Variants in FRY observed in about 807,000 individuals in gnomAD.
FRY encodes the protein protein furry homolog.
FRY carries 128 observed loss-of-function variants against 348.4 expected under a neutral mutation model. The ratio of observed to expected loss-of-function variants is 0.37; its 90% CI spans 0.32 to 0.43. FRY has a LOEUF of 0.43. FRY is among the 20% of genes least tolerant of loss of function. The pLI is 1.00. For synonymous variants in FRY, 1,370 were observed against 1,374.7 expected (o/e 1.00, Z 0.08); for missense variants, 2,736 against 3,695.2 (o/e 0.74, Z 6.73).
chr13:32,125,704 A>G (rs893971546), intron 7 of FRY, among the ~76,000 whole-genome samples: 26 of 152,344 alleles, frequency 1.7e-4, no homozygotes, highest in African/African-American at 6.3e-4. Context: ...TTTAAAAAGC[A>G]CTTAGCAATC....
intron 1 of FRY, among the ~76,000 whole-genome samples, chr13:32,046,342 GA>G (rs1336840350): frequency 6.6e-6 from 1 of 152,212 alleles, no homozygotes; most frequent in African/African-American, 2.4e-5. Context: ...GCAAGAGACA[GA>G]AGGTTAGAAT....
intron 1 of FRY, among the ~76,000 whole-genome samples, chr13:32,043,930 C>G (rs74044323): frequency 0.01 from 1,566 of 150,430 alleles, 33 homozygotes; most frequent in African/African-American, 0.037. Context: ...CACAGTGGCT[C>G]ACACCTGTAA....
rs200401343 is a variant in FRY, at chr13:32,218,797, C to T, written c.4731C>T (p.Ser1577=). The T allele has an allele frequency of 1.8e-5, 29 of 1,605,688 alleles. No individual in the cohort carries two copies. Among genetic ancestry groups the T allele is most frequent in the Admixed American group, 1.7e-5 (1 of 59,942 alleles). Residue 1577 remains serine (S), a synonymous_variant, in exon 36 of 61, where the codon AGC becomes AGT. Transcript: ENST00000542859. Reference sequence around the variant, plus strand: ...ACACTCGCCTCGAGTCAAGATACAGCAATAGCTCTGGAGGATCCTACGATG... The same window carrying T: ...ACACTCGCCTCGAGTCAAGATACAGTAATAGCTCTGGAGGATCCTACGATG... ...RAHTRLESRY[S]NSSGGSYDED... is the part of the protein sequence containing the mutation.
intron 1 of FRY, chr13:32,061,081 G>A (rs1480723768): frequency 1.9e-6 from 1 of 532,890 alleles, no homozygotes; most frequent in African/African-American, 1.9e-5. Flanking sequence ...CAGACTGTTA[G>A]TTTGGGTTTC....
rs541391103 is a variant in FRY at position 32,274,801 on chromosome 13, T to A, written c.8137-41T>A. The A allele has an allele frequency of 5.7e-5, 89 of 1,548,840 alleles. 1 individual carries two copies. In the South Asian group the frequency reaches 9.1e-4, roughly 16 times the overall value. On this transcript the variant is annotated intron_variant, in intron 55 of 60. Coordinates refer to ENST00000542859, the MANE Select transcript of FRY (RefSeq NM_023037.3). ...AAAATATGTTTTATCATATATAAGT[T>A]TAACTTGACCTTTACAAATGGTCAC... is the stretch of plus-strand genomic sequence containing the variant.
rs138259714 is a variant in FRY, at chr13:32,290,718, T to C, written c.8580+975T>C. 3.0e-4 allele frequency among the ~76,000 whole-genome samples: 46 copies of C among 151,782 alleles called. No homozygotes were observed. In the East Asian group the frequency reaches 8.6e-3, roughly 28 times the overall value. On this transcript the variant is annotated intron_variant, in intron 59 of 60. Transcript: ENST00000542859. ...ACCAGTGATGAGGCTGCTGAAATAG[T>C]TCAAACAGAAGGAGAGAGTTTGAAC...
intron 54 of FRY, among the ~76,000 whole-genome samples, chr13:32,266,260 G>A (rs1395683753): frequency 6.6e-6 from 1 of 152,216 alleles, no homozygotes; most frequent in African/African-American, 2.4e-5. Flanking sequence ...TTCTGTTACA[G>A]TGAGCAATGT....
At chr13:32,122,335 C>T (rs542458389) in intron 4 of FRY, among the ~76,000 whole-genome samples, 8 of 151,562 alleles carry the variant, frequency 5.3e-5, no homozygotes, top group East Asian at 3.9e-4. Context: ...CCCAGCTACT[C>T]GGGAGGCTGA....
At chr13:32,106,351 C>T (rs1436519807) in intron 3 of FRY, among the ~76,000 whole-genome samples, 1 of 151,910 alleles carries the variant, frequency 6.6e-6, no homozygotes, top group Non-Finnish European at 1.5e-5. Context: ...GTGCTTTTTA[C>T]TCCATAATCT....
intron 11 of FRY, among the ~76,000 whole-genome samples, chr13:32,137,476 T>C (rs1407590477): frequency 6.6e-6 from 1 of 152,236 alleles, no homozygotes; most frequent in African/African-American, 2.4e-5. Context: ...GAGCACTTCT[T>C]TCTTGTCACT....
In FRY at chr13:32,268,505, A is replaced by AATATATATAT. The variant is rs869298149; in HGVS notation, c.8136+1171_8136+1180dup. On this transcript the variant is annotated intron_variant, in intron 55 of 60. Transcript: ENST00000542859. ...CTAGTTTAAAAAAAAAAAAAAAAAA[A>AATATATATAT]ATATATATATATATATATATATATA... Among the ~76,000 whole-genome samples the AATATATATAT allele has an allele frequency of 1.1e-3, 31 of 28,220 alleles. 1 individual carries two copies. Among genetic ancestry groups the AATATATATAT allele is most frequent in the Non-Finnish European group, 2.0e-3 (24 of 12,202 alleles). 18.5% of individuals were successfully genotyped at this position (28,220 alleles called of 152,430 possible).
At chr13:32,189,355 AT>A (rs1404321204) in intron 28 of FRY, among the ~76,000 whole-genome samples, 1 of 151,994 alleles carries the variant, frequency 6.6e-6, no homozygotes, top group Non-Finnish European at 1.5e-5. Context: ...TCCATGCATA[AT>A]TTTTTCATAA....
Position 32,239,694 on chromosome 13 carries a change from T to C in FRY, c.6517-17T>C. On this transcript the variant is annotated splice_polypyrimidine_tract_variant and intron_variant, in intron 45 of 60. Coordinates refer to ENST00000542859, the MANE Select transcript of FRY (RefSeq NM_023037.3). This position sits in a 1 kb window ranked among gnomAD's most constrained non-coding sequence, Gnocchi z 4.3. Reference sequence around the variant, plus strand: ...ATTGGGCTATTTTATTCCTAATTGATTTTTTTATTTTAAAAGGTTTGTTTA... The same window carrying C: ...ATTGGGCTATTTTATTCCTAATTGACTTTTTTATTTTAAAAGGTTTGTTTA... 6.4e-7 allele frequency: 1 copy of C among 1,574,618 alleles called. No homozygotes were observed. The highest frequency in any genetic ancestry group is 1.1e-5 in the South Asian group (1 of 90,192).
intron 1 of FRY, among the ~76,000 whole-genome samples, chr13:32,070,122 A>G (rs567746218): frequency 8.5e-5 from 13 of 152,300 alleles, no homozygotes; most frequent in Admixed American, 7.8e-4. Flanking sequence ...ATTGATGGAC[A>G]TTTGGGTTGG....
chr13:32,245,371 G>A (rs1566164364), intron 47 of FRY, among the ~76,000 whole-genome samples: 1 of 152,090 alleles, frequency 6.6e-6, no homozygotes, highest in Non-Finnish European at 1.5e-5. Flanking sequence ...TTGGGAGGCT[G>A]AGGCAAGAGG....
At position 32,290,680 on chromosome 13, in the gene FRY, C is replaced by G. The variant is rs143059400; in HGVS notation, c.8580+937C>G. 3.2e-4 allele frequency among the ~76,000 whole-genome samples: 48 copies of G among 152,116 alleles called. No individual in the cohort carries two copies. In the East Asian group the frequency reaches 7.7e-3, roughly 25 times the overall value. On this transcript the variant is annotated intron_variant, in intron 59 of 60. Transcript: ENST00000542859. ...AGGGTGGGTCTGATGACAGCTAGAA[C>G]AGAGACATGGAGACCAGTGATGAGG...
At chr13:32,166,662 AG>A (rs2138197305) in intron 17 of FRY, among the ~76,000 whole-genome samples, 1 of 150,744 alleles carries the variant, frequency 6.6e-6, no homozygotes, top group South Asian at 2.1e-4. Flanking sequence ...TGTATCTGAC[AG>A]GCAGCCCTCT....
At chr13:32,065,221 A>G (rs1874178972) in intron 1 of FRY, among the ~76,000 whole-genome samples, 1 of 152,220 alleles carries the variant, frequency 6.6e-6, no homozygotes, top group African/African-American at 2.4e-5. Context: ...GATAATATGT[A>G]ACATATTGCC....
chr13:32,132,543 A>G (rs1879435425), intron 8 of FRY, among the ~76,000 whole-genome samples: 1 of 152,162 alleles, frequency 6.6e-6, no homozygotes, highest in South Asian at 2.1e-4. Context: ...GAAAAATTAG[A>G]ACCTTACACA....
Sources: allele counts gnomAD v4.1 joint callset (sites outside exome capture counted in the v4.1 genomes callset), GRCh38; gene constraint gnomAD v4.1.1; non-coding constraint Gnocchi (gnomAD v3.1); transcripts MANE v1.5; gene names NCBI Gene and HGNC (gene_info 2026-07-23, HGNC 2026-07-21).